The following CFAP77 variants were observed in gnomAD, a reference collection of about 807,000 sequenced individuals.
CFAP77 encodes cilia- and flagella-associated protein 77.
In CFAP77, 25 loss-of-function variants were observed where a neutral mutation model predicts 31.1. That is an observed-to-expected ratio of 0.80 (90% CI 0.59 to 1.12). The LOEUF (loss-of-function observed/expected upper bound fraction) is 1.12, where lower values mean the gene tolerates loss of function less well. Ranked by LOEUF, CFAP77 falls within the 50% of genes most tolerant of loss-of-function variation. The pLI is 0.00. For synonymous variants in CFAP77, 151 were observed against 159.9 expected, an observed-to-expected ratio of 0.94 and a Z score of 0.42; for missense variants, 377 against 397.3, an observed-to-expected ratio of 0.95 and a Z score of 0.44.
chr9:132,516,104 AG>A (rs1206223084), intron 3 of CFAP77, among the ~76,000 whole-genome samples: 4 of 152,224 alleles, frequency 2.6e-5, no homozygotes, highest in Non-Finnish European at 5.9e-5. Flanking sequence ...AGCTCCAGCC[AG>A]TTGTGGACAC....
intron 1 of CFAP77, among the ~76,000 whole-genome samples, chr9:132,482,014 C>T (rs1049239678): frequency 1.4e-5 from 2 of 147,016 alleles, no homozygotes; most frequent in African/African-American, 2.5e-5. Flanking sequence ...TTACATGATG[C>T]GATTTTCAAT....
intron 5 of CFAP77, among the ~76,000 whole-genome samples, chr9:132,561,920 G>T (rs1829817790): frequency 6.6e-6 from 1 of 152,100 alleles, no homozygotes; most frequent in Non-Finnish European, 1.5e-5. Context: ...CCCAGCAGAA[G>T]GCTGGTGCCG....
In CFAP77 at chr9:132,517,808, T is replaced by A. The variant is rs149690285; in HGVS notation, c.524+18208T>A. On this transcript the variant is annotated intron_variant, in intron 3 of 5. Transcript: ENST00000393216. The surrounding 1 kb of genome is among the most constrained non-coding windows in gnomAD (Gnocchi z 4.7). ...TAATGTTTGCAAATGATAATTTCCATTTCCCCTGCACATCCCCTGTGCCTG... is the reference window on the plus strand; with the variant it reads ...TAATGTTTGCAAATGATAATTTCCAATTCCCCTGCACATCCCCTGTGCCTG... Among the ~76,000 whole-genome samples, 23 of 152,340 alleles carry A rather than the reference T, an allele frequency of 1.5e-4. No homozygotes were observed. The East Asian group carries it at 3.7e-3, about 24-fold the overall frequency.
chr9:132,561,355 A>T (rs1814571641), intron 5 of CFAP77, among the ~76,000 whole-genome samples: 2 of 150,454 alleles, frequency 1.3e-5, no homozygotes, highest in Non-Finnish European at 3.0e-5. Context: ...TTATTTTTTT[A>T]AATCTGTTTT....
chr9:132,422,004 CCCAGGTGG>C (rs1850224175), intron 1 of CFAP77, among the ~76,000 whole-genome samples: 1 of 151,606 alleles, frequency 6.6e-6, no homozygotes, highest in African/African-American at 2.4e-5. Flanking sequence ...CAGCCTTAGT[CCCAGGTGG>C]CTTTTTTTTT....
At chr9:132,474,206 T>C (rs1188106174) in intron 1 of CFAP77, among the ~76,000 whole-genome samples, 1 of 152,254 alleles carries the variant, frequency 6.6e-6, no homozygotes, top group African/African-American at 2.4e-5. Flanking sequence ...TGTATCTTTT[T>C]GCTTTGAGTA....
At chr9:132,428,959 G>A (rs540314165) in intron 1 of CFAP77, among the ~76,000 whole-genome samples, 2 of 152,140 alleles carry the variant, frequency 1.3e-5, no homozygotes, top group Non-Finnish European at 2.9e-5. Flanking sequence ...TGGTCCCTGA[G>A]TTTTGGTAAG....
At chr9:132,536,391 C>CTTTTTTTTTT in intron 3 of CFAP77, among the ~76,000 whole-genome samples, 1 of 122,352 alleles carries the variant, frequency 8.2e-6, no homozygotes, top group Non-Finnish European at 1.7e-5. Context: ...GCTCATAGTT[C>CTTTTTTTTTT]TTTTTTTTTT....
intron 4 of CFAP77, among the ~76,000 whole-genome samples, chr9:132,540,557 A>G (rs1187859736): frequency 6.6e-6 from 1 of 152,244 alleles, no homozygotes; most frequent in Non-Finnish European, 1.5e-5. Context: ...GATTTGCAAG[A>G]GAAAAGCATT....
intron 3 of CFAP77, among the ~76,000 whole-genome samples, chr9:132,523,388 C>T (rs1852303960): frequency 6.6e-6 from 1 of 152,216 alleles, no homozygotes; most frequent in Non-Finnish European, 1.5e-5. Flanking sequence ...TGCGCCCGAC[C>T]TTCCAGTCTT....
At chr9:132,551,526 C>T (rs146680630) in intron 5 of CFAP77, among the ~76,000 whole-genome samples, 1 of 152,094 alleles carries the variant, frequency 6.6e-6, no homozygotes, top group Non-Finnish European at 1.5e-5. Flanking sequence ...GAACTCCTGG[C>T]CTCCAGTGAT....
In CFAP77 at chr9:132,417,850, A is replaced by G. The variant is rs1033088880; in HGVS notation, c.195+7384A>G. Among the ~76,000 whole-genome samples, 5 of 151,676 alleles carry G rather than the reference A, an allele frequency of 3.3e-5. No individual in the cohort carries two copies. In the East Asian group the frequency reaches 9.7e-4, roughly 29 times the overall value. On this transcript the variant is annotated intron_variant, in intron 1 of 5. Coordinates refer to ENST00000393216, the MANE Select transcript of CFAP77 (RefSeq NM_001282957.2). ...TAAATGTCTGAACTTATAAAGAAAC[A>G]GAGAATGAGACAAATCCACCCAAGT...
chr9:132,434,197 C>T (rs889637922), intron 1 of CFAP77, among the ~76,000 whole-genome samples: 1 of 152,022 alleles, frequency 6.6e-6, no homozygotes, highest in Non-Finnish European at 1.5e-5. Flanking sequence ...TCTGGGTCCT[C>T]TCCTCTGGAA....
rs1852167928 is a variant in CFAP77 at position 132,517,456 on chromosome 9, A to G, written c.524+17856A>G. Among the ~76,000 whole-genome samples the G allele has an allele frequency of 6.6e-6, 1 of 152,242 alleles. No homozygotes were observed. The highest frequency in any genetic ancestry group is 1.5e-5 in the Non-Finnish European group (1 of 68,040). ...AGGAAGAAAAAAATCGCCTCTGGCT[A>G]CTAAACCGAATTAGTAGTCACTGAT... On this transcript the variant is annotated intron_variant, in intron 3 of 5. Coordinates refer to ENST00000393216, the MANE Select transcript of CFAP77 (RefSeq NM_001282957.2). This position sits in a 1 kb window ranked among gnomAD's most constrained non-coding sequence, Gnocchi z 4.7.
intron 1 of CFAP77, among the ~76,000 whole-genome samples, chr9:132,458,357 G>GGGGGGGTGT (rs139008147): frequency 8.4e-6 from 1 of 119,044 alleles, no homozygotes; most frequent in African/African-American, 3.2e-5. Flanking sequence ...GAGGGGGGGG[G>GGGGGGGTGT]GTGTGTATGG....
At position 132,542,990 on chromosome 9, in the gene CFAP77, G is replaced by A. The variant is rs1852671396; in HGVS notation, c.675G>A (p.Arg225=). ...KLYETRSSQL[R]KYKPPVKLDT... is the part of the protein sequence containing the mutation. Reference sequence around the variant, plus strand: ...ATGAGACCCGGAGCAGTCAGCTGAGGAAGTACAAGCCGCCCGTGAAGCTGG... The same window carrying A: ...ATGAGACCCGGAGCAGTCAGCTGAGAAAGTACAAGCCGCCCGTGAAGCTGG... The change falls in exon 5 of 6, where the codon AGG becomes AGA. Residue 225 remains arginine, a synonymous_variant. Coordinates refer to ENST00000393216, the MANE Select transcript of CFAP77 (RefSeq NM_001282957.2). 2.5e-6 allele frequency: 4 copies of A among 1,614,204 alleles called. No homozygotes were observed. Among genetic ancestry groups the A allele is most frequent in the Non-Finnish European group, 3.4e-6 (4 of 1,180,040 alleles).
rs1166295419 is a variant in CFAP77 at position 132,480,838 on chromosome 9, A to C, written c.196-17857A>C. Reference sequence around the variant, plus strand: ...AGTTCCAGGAGCCGAAAGAAGGCCCAGGGCAGAAAGCGGACGGTGAGCGAG... The same window carrying C: ...AGTTCCAGGAGCCGAAAGAAGGCCCCGGGCAGAAAGCGGACGGTGAGCGAG... On this transcript the variant is annotated intron_variant, in intron 1 of 5. Coordinates refer to ENST00000393216, the MANE Select transcript of CFAP77 (RefSeq NM_001282957.2). The surrounding 1 kb of genome is among the most constrained non-coding windows in gnomAD (Gnocchi z 5.8). Among the ~76,000 whole-genome samples the C allele has an allele frequency of 6.6e-6, 1 of 152,140 alleles. No individual in the cohort carries two copies. The highest frequency in any genetic ancestry group is 1.5e-5 in the Non-Finnish European group (1 of 68,030).
intron 1 of CFAP77, among the ~76,000 whole-genome samples, chr9:132,439,039 C>A (rs1476433727): frequency 6.6e-6 from 1 of 151,826 alleles, no homozygotes; most frequent in Non-Finnish European, 1.5e-5. Context: ...CTACACCCAG[C>A]TAATTTTTGT....
chr9:132,473,009 C>T (rs1260835473), intron 1 of CFAP77, among the ~76,000 whole-genome samples: 1 of 152,168 alleles, frequency 6.6e-6, no homozygotes. Context: ...GGCATCTGCT[C>T]AGCTTCTGGT....
Sources: allele counts gnomAD v4.1 joint callset (sites outside exome capture counted in the v4.1 genomes callset), GRCh38; gene constraint gnomAD v4.1.1; non-coding constraint Gnocchi (gnomAD v3.1); transcripts MANE v1.5; gene names NCBI Gene and HGNC (gene_info 2026-07-23, HGNC 2026-07-21).